The following GLS variants were observed in gnomAD, a reference collection of about 807,000 sequenced individuals.
GLS encodes the protein glutaminase.
GLS carries 36 observed loss-of-function variants against 86.7 expected under a neutral mutation model. The ratio of observed to expected loss-of-function variants is 0.42; its 90% CI spans 0.32 to 0.55. The LOEUF (loss-of-function observed/expected upper bound fraction) is 0.55. Ranked by LOEUF, GLS falls within the 20% of genes least tolerant of loss-of-function variation. The probability of loss-of-function intolerance (pLI) is 0.17; values close to 1 mark genes in which losing one functional copy is unlikely to be tolerated. For synonymous variants in GLS, 317 were observed against 305.9 expected, an observed-to-expected ratio of 1.04 and a Z score of -0.38; for missense variants, 528 against 833.4, an observed-to-expected ratio of 0.63 and a Z score of 4.51.
intron 17 of GLS, among the ~76,000 whole-genome samples, chr2:190,959,711 A>G (rs1690954972): frequency 6.6e-6 from 1 of 152,182 alleles, no homozygotes; most frequent in African/African-American, 2.4e-5. Flanking sequence ...CAGGGATTCG[A>G]CATTTATGCA....
intron 1 of GLS, among the ~76,000 whole-genome samples, chr2:190,891,787 T>C (rs563950714): frequency 1.3e-5 from 2 of 152,254 alleles, no homozygotes; most frequent in Admixed American, 1.3e-4. Flanking sequence ...CACTAAAAAA[T>C]TAAGTATTCA....
rs1688702758 is a variant in GLS, at chr2:190,895,508, G to A, written c.484-96G>A. On this transcript the variant is annotated intron_variant, in intron 2 of 17. Transcript: ENST00000320717. This position sits in a 1 kb window ranked among gnomAD's most constrained non-coding sequence, Gnocchi z 4.2. The stretch of plus-strand genomic sequence containing the variant: ...CATATTCATGTTCAAGTGTTGGGTA[G>A]AAGTTTTTATATACAGGAATAAAAT... 7.2e-6 allele frequency: 6 copies of A among 835,822 alleles called. No individual in the cohort carries two copies. The highest frequency in any genetic ancestry group is 1.1e-5 in the Non-Finnish European group (6 of 544,486). The allele number at this position is 835,822 out of a possible 1,614,324, so 51.8% of individuals were successfully genotyped here. A position where few individuals can be genotyped will look rare whatever the true frequency, so the allele number is the denominator to read the frequency against.
At chr2:190,915,571 A>G (rs1689506099) in intron 7 of GLS, among the ~76,000 whole-genome samples, 1 of 152,218 alleles carries the variant, frequency 6.6e-6, no homozygotes, top group Non-Finnish European at 1.5e-5. Context: ...ATTCTTTCCA[A>G]GGAATAAAGG....
Position 190,962,961 on chromosome 2 carries a change from A to G in GLS, c.1985A>G (p.His662Arg), listed in dbSNP as rs767862267. 9 of 1,608,670 alleles carry G rather than the reference A, an allele frequency of 5.6e-6. No homozygotes were observed. The highest frequency in any genetic ancestry group is 2.2e-5 in the South Asian group (2 of 90,040). ...SDNGKENQTV[H>R]KNLDGLL ...AACGGGAAGGAAAATCAAACCGTCCATAAGAATCTTGATGGATTGTTGTAA... is the reference window on the plus strand; with the variant it reads ...AACGGGAAGGAAAATCAAACCGTCCGTAAGAATCTTGATGGATTGTTGTAA... Residue 662 changes from histidine (H) to arginine (R), a missense_variant, in exon 18 of 18, where the codon CAT becomes CGT. By Grantham distance (29) the His-to-Arg change is conservative (BLOSUM62 0). Around this residue, in one of 4 missense-constraint regions of GLS, gnomAD observed 30 missense variants for 36.9 expected, o/e 0.81. Coordinates refer to ENST00000320717, the MANE Select transcript of GLS (RefSeq NM_014905.5). This position sits in a 1 kb window ranked among gnomAD's most constrained non-coding sequence, Gnocchi z 4.2.
chr2:190,880,955 C>A lies in GLS; in HGVS notation c.-130C>A. 1.8e-6 allele frequency: 2 copies of A among 1,131,922 alleles called. No individual in the cohort carries two copies. Among genetic ancestry groups the A allele is most frequent in the Non-Finnish European group, 2.5e-6 (2 of 789,142 alleles). The allele number at this position is 1,131,922 out of a possible 1,614,324, so 70.1% of individuals were successfully genotyped here. A position where few individuals can be genotyped will look rare whatever the true frequency, so the allele number is the denominator to read the frequency against. On this transcript the variant is annotated 5_prime_UTR_variant, in exon 1 of 18. Transcript: ENST00000320717. ...GCTGCGGGAGTCCGAGCCGGAACCA[C>A]ACCCAAGTAGCTGCCCTTTCCTCTT...
Position 190,924,416 on chromosome 2 carries a change from A to T in GLS, c.1198-127A>T. On this transcript the variant is annotated intron_variant, in intron 10 of 17. Coordinates refer to ENST00000320717, the MANE Select transcript of GLS (RefSeq NM_014905.5). This position sits in a 1 kb window ranked among gnomAD's most constrained non-coding sequence, Gnocchi z 5.2. ...TTTTATTTCATGTTTATACTCTTTT[A>T]GAAGTTACATGCTATTTTATTAATT... The T allele has an allele frequency of 1.5e-6, 1 of 681,016 alleles. No homozygotes were observed. Among genetic ancestry groups the T allele is most frequent in the East Asian group, 2.7e-5 (1 of 36,524 alleles). 42.2% of individuals were successfully genotyped at this position (681,016 alleles called of 1,614,324 possible).
At chr2:190,909,148 T>C (rs534053037) in intron 6 of GLS, among the ~76,000 whole-genome samples, 64 of 152,312 alleles carry the variant, frequency 4.2e-4, no homozygotes, top group African/African-American at 1.4e-3. Flanking sequence ...CTTTTGAAAC[T>C]TGGCATTATG....
chr2:190,889,729 T>C (rs554775324), intron 1 of GLS, among the ~76,000 whole-genome samples: 1 of 152,136 alleles, frequency 6.6e-6, no homozygotes, highest in African/African-American at 2.4e-5. Flanking sequence ...ACTTCTGAAG[T>C]TGTGCAAACG....
intron 6 of GLS, among the ~76,000 whole-genome samples, chr2:190,908,743 C>T (rs1289523795): frequency 2.0e-5 from 3 of 152,192 alleles, no homozygotes; most frequent in African/African-American, 4.8e-5. Context: ...TTCTCTCTGG[C>T]GGGTTTCCGG....
At chr2:190,945,139 G>T (rs1194383446) in intron 14 of GLS, among the ~76,000 whole-genome samples, 3 of 152,126 alleles carry the variant, frequency 2.0e-5, no homozygotes, top group African/African-American at 7.2e-5. Flanking sequence ...CCACTTACCA[G>T]CTCTGATACC....
At chr2:190,933,564 A>G (rs1476692421) in intron 14 of GLS, 1 of 961,850 alleles carries the variant, frequency 1.0e-6, no homozygotes, top group African/African-American at 1.8e-5. Flanking sequence ...CATTCCAGCC[A>G]AAGAATTTCA....
In GLS at chr2:190,907,170, C is replaced by T. The variant is rs182727754; in HGVS notation, c.979+2003C>T. 8.3e-3 allele frequency among the ~76,000 whole-genome samples: 1,263 copies of T among 151,702 alleles called. 26 individuals carry two copies. Among genetic ancestry groups the T allele is most frequent in the African/African-American group, 0.029 (1,202 of 41,346 alleles). ...CGATCTCCTGACCTCGTGATCTGCCCGCCTCGGCCTCCCAAAGTGCTGGGA... is the reference window on the plus strand; with the variant it reads ...CGATCTCCTGACCTCGTGATCTGCCTGCCTCGGCCTCCCAAAGTGCTGGGA... On this transcript the variant is annotated intron_variant, in intron 6 of 17. Transcript: ENST00000320717.
chr2:190,919,103 A>G (rs1689647829), intron 7 of GLS, among the ~76,000 whole-genome samples: 1 of 152,154 alleles, frequency 6.6e-6, no homozygotes, highest in African/African-American at 2.4e-5. Context: ...ATGCAGGGTT[A>G]TCACAAACCT....
At chr2:190,958,170 G>C (rs1054374203) in intron 17 of GLS, among the ~76,000 whole-genome samples, 1 of 152,192 alleles carries the variant, frequency 6.6e-6, no homozygotes, top group Non-Finnish European at 1.5e-5. Flanking sequence ...TTGGGAGGGT[G>C]TATGTGTCCA....
In GLS at chr2:190,955,323, C is replaced by T. The variant is rs1320893031; in HGVS notation, c.1853+505C>T. On this transcript the variant is annotated intron_variant, in intron 17 of 17. Transcript: ENST00000320717. The surrounding 1 kb of genome is among the most constrained non-coding windows in gnomAD (Gnocchi z 5.6). The stretch of plus-strand genomic sequence containing the variant: ...GCCCTGGTGTGTGATGTTCCCCTCC[C>T]TGTGTCCATGTGTTCTCACTGTTCC... Among the ~76,000 whole-genome samples the T allele has an allele frequency of 6.6e-6, 1 of 152,140 alleles. No homozygotes were observed. The highest frequency in any genetic ancestry group is 1.5e-5 in the Non-Finnish European group (1 of 68,010).
At chr2:190,916,364 A>G (rs1195925982) in intron 7 of GLS, among the ~76,000 whole-genome samples, 2 of 152,124 alleles carry the variant, frequency 1.3e-5, no homozygotes, top group African/African-American at 2.4e-5. Flanking sequence ...CTCCATAATG[A>G]TAAAGATAAT....
intron 6 of GLS, among the ~76,000 whole-genome samples, chr2:190,909,859 T>TA (rs1305330025): frequency 6.6e-6 from 1 of 152,048 alleles, no homozygotes; most frequent in Non-Finnish European, 1.5e-5. Flanking sequence ...CTGGGCAACA[T>TA]AGGGAGATCC....
chr2:190,932,711 A>G, intron 14 of GLS: 1 of 1,584,140 alleles, frequency 6.3e-7, no homozygotes, highest in Non-Finnish European at 8.6e-7. Context: ...TGCTTGAACA[A>G]CTAGCATTCC....
chr2:190,937,322 T>C (rs1421770728), intron 14 of GLS, among the ~76,000 whole-genome samples: 1 of 151,300 alleles, frequency 6.6e-6, no homozygotes, highest in Non-Finnish European at 1.5e-5. Context: ...TTTTATTTTA[T>C]ACCCCAACCT....
Sources: allele counts gnomAD v4.1 joint callset (sites outside exome capture counted in the v4.1 genomes callset), GRCh38; gene constraint gnomAD v4.1.1; regional missense constraint gnomAD v4.1.1; non-coding constraint Gnocchi (gnomAD v3.1); transcripts MANE v1.5; gene names NCBI Gene and HGNC (gene_info 2026-07-23, HGNC 2026-07-21).